Variants in TPST1 observed in about 807,000 individuals in gnomAD.
The protein encoded by TPST1 is tyrosylprotein sulfotransferase 1.
A neutral mutation model predicts 34.8 loss-of-function variants in TPST1; 20 were observed. The ratio of observed to expected loss-of-function variants is 0.57; its 90% CI spans 0.40 to 0.84. The LOEUF (loss-of-function observed/expected upper bound fraction) is 0.84, where lower values mean the gene tolerates loss of function less well. Ranked by LOEUF, TPST1 falls within the 40% of genes least tolerant of loss-of-function variation. The probability of loss-of-function intolerance (pLI) is 0.00; values close to 1 mark genes in which losing one functional copy is unlikely to be tolerated. For synonymous variants in TPST1, 152 were observed against 159.4 expected, an observed-to-expected ratio of 0.95 and a Z score of 0.35; for missense variants, 353 against 455.5, an observed-to-expected ratio of 0.78 and a Z score of 2.05.
At position 66,332,702 on chromosome 7, in the gene TPST1, C is replaced by T. The variant is rs556899438; in HGVS notation, c.1045-19803C>T. Among the ~76,000 whole-genome samples the T allele has an allele frequency of 3.3e-5, 5 of 152,262 alleles. No individual in the cohort carries two copies. Among genetic ancestry groups the T allele is most frequent in the South Asian group, 2.1e-4 (1 of 4,828 alleles). ...AAATGATGCTTACATCTGTACTGAA[C>T]GTGACGGACTTTGTCATTATTTCCT... On this transcript the variant is annotated intron_variant, in intron 3 of 5. Coordinates refer to ENST00000304842, the MANE Select transcript of TPST1 (RefSeq NM_003596.4). The surrounding 1 kb of genome is among the most constrained non-coding windows in gnomAD (Gnocchi z 4.5).
At chr7:66,273,085 T>G (rs1265174549) in intron 2 of TPST1, among the ~76,000 whole-genome samples, 3 of 152,174 alleles carry the variant, frequency 2.0e-5, no homozygotes, top group Non-Finnish European at 4.4e-5. Context: ...TCAGTAAAAT[T>G]TCAAGATACA....
At chr7:66,215,437 C>T (rs1345849504) in intron 1 of TPST1, among the ~76,000 whole-genome samples, 4 of 151,556 alleles carry the variant, frequency 2.6e-5, no homozygotes, top group African/African-American at 4.8e-5. Flanking sequence ...TGAAGTGGCG[C>T]GATCTCGGCT....
intron 3 of TPST1, among the ~76,000 whole-genome samples, chr7:66,327,486 G>T (rs1791891208): frequency 1.3e-5 from 2 of 152,140 alleles, no homozygotes; most frequent in Admixed American, 1.3e-4. Context: ...ACTTTGGGAG[G>T]CCAAGGTGGG....
intron 3 of TPST1, among the ~76,000 whole-genome samples, chr7:66,339,733 G>A (rs1792195444): frequency 1.3e-5 from 2 of 150,340 alleles, no homozygotes; most frequent in African/African-American, 2.5e-5. Context: ...TACCTATTCG[G>A]TACTATGCTT....
chr7:66,227,028 CTTTTTTT>C (rs546339747), intron 1 of TPST1, among the ~76,000 whole-genome samples: 4 of 69,208 alleles, frequency 5.8e-5, no homozygotes, highest in East Asian at 4.4e-4. Context: ...TTAAAATAAG[CTTTTTTT>C]TTTTTTTTTT....
At chr7:66,354,398 G>T (rs542622370) in intron 4 of TPST1, among the ~76,000 whole-genome samples, 53 of 150,702 alleles carry the variant, frequency 3.5e-4, no homozygotes, top group African/African-American at 1.1e-3. Context: ...CTGAGGTCAG[G>T]AGTTCAAGAT....
chr7:66,261,727 C>T (rs1790492991), intron 2 of TPST1, among the ~76,000 whole-genome samples: 1 of 152,130 alleles, frequency 6.6e-6, no homozygotes, highest in East Asian at 1.9e-4. Context: ...CACTTACTGA[C>T]TGTGGGACCT....
At chr7:66,263,602 T>C (rs967148230) in intron 2 of TPST1, among the ~76,000 whole-genome samples, 1 of 152,224 alleles carries the variant, frequency 6.6e-6, no homozygotes. Context: ...ACAGTTTCAT[T>C]TGGAATCTGA....
At chr7:66,229,259 CG>C (rs1789728091) in intron 1 of TPST1, among the ~76,000 whole-genome samples, 1 of 152,112 alleles carries the variant, frequency 6.6e-6, no homozygotes, top group African/African-American at 2.4e-5. Context: ...TACAGGCACC[CG>C]CCACCACGCC....
chr7:66,338,210 C>T (rs1474045953), intron 3 of TPST1, among the ~76,000 whole-genome samples: 1 of 151,918 alleles, frequency 6.6e-6, no homozygotes, highest in Non-Finnish European at 1.5e-5. Context: ...ATAAAATAAA[C>T]TTAAATCAAG....
chr7:66,328,906 A>ATTTTTTTTT lies in TPST1; in HGVS notation c.1045-23584_1045-23576dup, dbSNP rs1172711561. Among the ~76,000 whole-genome samples, 11 of 13,156 alleles carry ATTTTTTTTT rather than the reference A, an allele frequency of 8.4e-4. 2 individuals carry two copies. The highest frequency in any genetic ancestry group is 1.7e-3 in the African/African-American group (3 of 1,772). 8.6% of individuals were successfully genotyped at this position (13,156 alleles called of 152,430 possible). ...TCTCTCTATATATATATATATATAT[A>ATTTTTTTTT]TTTTTTTTTTTTTTTTTTTTTTTGA... On this transcript the variant is annotated intron_variant, in intron 3 of 5. Coordinates refer to ENST00000304842, the MANE Select transcript of TPST1 (RefSeq NM_003596.4).
chr7:66,219,830 A>G (rs1237480949), intron 1 of TPST1, among the ~76,000 whole-genome samples: 1 of 152,222 alleles, frequency 6.6e-6, no homozygotes, highest in Non-Finnish European at 1.5e-5. Flanking sequence ...ATGTAGCAGT[A>G]TATTAAGGAA....
chr7:66,310,459 C>T (rs1791507291), intron 3 of TPST1, among the ~76,000 whole-genome samples: 1 of 152,150 alleles, frequency 6.6e-6, no homozygotes, highest in Non-Finnish European at 1.5e-5. Flanking sequence ...ATGTGTTTGA[C>T]ATACTTGTAC....
intron 3 of TPST1, among the ~76,000 whole-genome samples, chr7:66,345,449 A>G (rs1792326811): frequency 1.4e-5 from 2 of 146,136 alleles, no homozygotes; most frequent in African/African-American, 5.1e-5. Flanking sequence ...GCTGGGCACC[A>G]CTGCACTCCA....
chr7:66,204,982 T>C (rs1789091267), upstream of TPST1, among the ~76,000 whole-genome samples: 1 of 152,234 alleles, frequency 6.6e-6, no homozygotes, highest in African/African-American at 2.4e-5. Flanking sequence ...ACACCCACGT[T>C]GGGGGTGGGG....
At chr7:66,333,983 G>A (rs1230919936) in intron 3 of TPST1, among the ~76,000 whole-genome samples, 1 of 152,160 alleles carries the variant, frequency 6.6e-6, no homozygotes, top group East Asian at 1.9e-4. Flanking sequence ...TGAGCCATTT[G>A]GAAGGTAACT....
At chr7:66,301,312 A>G (rs1406558806) in intron 3 of TPST1, among the ~76,000 whole-genome samples, 1 of 152,218 alleles carries the variant, frequency 6.6e-6, no homozygotes, top group Non-Finnish European at 1.5e-5. Context: ...GCTTAAGGGA[A>G]TGTCATGGCT....
At chr7:66,235,124 A>C (rs1418328905) in intron 1 of TPST1, among the ~76,000 whole-genome samples, 1 of 151,134 alleles carries the variant, frequency 6.6e-6, no homozygotes, top group African/African-American at 2.4e-5. Flanking sequence ...TTTTGAATTG[A>C]ACATTAGGAT....
At chr7:66,265,808 C>G (rs1342220012) in intron 2 of TPST1, among the ~76,000 whole-genome samples, 2 of 152,110 alleles carry the variant, frequency 1.3e-5, no homozygotes, top group Middle Eastern at 3.2e-3. Context: ...GACTTCTCAC[C>G]AGTAACTATG....
Sources: allele counts gnomAD v4.1 joint callset (sites outside exome capture counted in the v4.1 genomes callset), GRCh38; gene constraint gnomAD v4.1.1; non-coding constraint Gnocchi (gnomAD v3.1); transcripts MANE v1.5; gene names NCBI Gene and HGNC (gene_info 2026-07-23, HGNC 2026-07-21).